INSL6: variants seen among roughly 807,000 people sequenced by gnomAD.
The protein encoded by INSL6 is insulin-like peptide INSL6.
INSL6 carries 16 observed loss-of-function variants against 9.4 expected under a neutral mutation model. The ratio of observed to expected loss-of-function variants is 1.70; its 90% CI spans 1.15 to 2.59. The LOEUF (loss-of-function observed/expected upper bound fraction) is 2.59, where lower values mean the gene tolerates loss of function less well. Ranked by LOEUF, INSL6 falls within the 30% of genes most tolerant of loss-of-function variation. The pLI is 0.00. For missense variants in INSL6, 391 were observed against 257.3 expected, an observed-to-expected ratio of 1.52 and a Z score of -3.56; for synonymous variants, 154 against 96.9, an observed-to-expected ratio of 1.59 and a Z score of -3.46.
chr9:5,062,303 C>G, the INSL6 span, among the ~76,000 whole-genome samples: 5 of 151,754 alleles, frequency 3.3e-5, no homozygotes, highest in African/African-American at 1.2e-4. Flanking sequence ...CCCTTGTATT[C>G]TGAGGGACAA....
downstream of INSL6, among the ~76,000 whole-genome samples, chr9:5,159,339 GAC>G (rs1257973953): frequency 1.4e-5 from 2 of 141,452 alleles, no homozygotes; most frequent in Middle Eastern, 3.6e-3. Flanking sequence ...CCAATTAAAA[GAC>G]ACAGAGTGTC....
the INSL6 span, among the ~76,000 whole-genome samples, chr9:5,105,554 G>C: frequency 6.6e-6 from 1 of 152,142 alleles, no homozygotes; most frequent in African/African-American, 2.4e-5. Flanking sequence ...CATAGAACTG[G>C]AAACAACTAC....
the INSL6 span, among the ~76,000 whole-genome samples, chr9:5,061,894 G>C: frequency 6.6e-6 from 1 of 152,292 alleles, no homozygotes; most frequent in Admixed American, 6.5e-5. Flanking sequence ...ATACTCAGTG[G>C]TCATTGTAGG....
the INSL6 span, among the ~76,000 whole-genome samples, chr9:5,035,026 A>C: frequency 2.2e-4 from 34 of 152,320 alleles, no homozygotes; most frequent in Admixed American, 1.7e-3. Flanking sequence ...AATCAAATAC[A>C]TGCAATAAAA....
intron 1 of INSL6, among the ~76,000 whole-genome samples, chr9:5,180,601 G>A (rs1275874665): frequency 6.6e-6 from 1 of 152,044 alleles, no homozygotes; most frequent in Non-Finnish European, 1.5e-5. Context: ...TATACGCCCT[G>A]GTCTCCTGCA....
the INSL6 span, among the ~76,000 whole-genome samples, chr9:5,048,736 A>G: frequency 4.6e-5 from 7 of 152,176 alleles, no homozygotes; most frequent in Admixed American, 2.0e-4. Context: ...TATACTTTTA[A>G]ATATGTTTCT....
At chr9:5,008,467 G>A in the INSL6 span, among the ~76,000 whole-genome samples, 437 of 152,282 alleles carry the variant, frequency 2.9e-3, no homozygotes, top group African/African-American at 1.0e-2. Flanking sequence ...GAAAGTATGA[G>A]ATAGTTGTCT....
the INSL6 span, chr9:5,080,743 A>G: frequency 7.9e-7 from 1 of 1,262,548 alleles, no homozygotes; most frequent in East Asian, 2.6e-5. Flanking sequence ...TATTTAATGA[A>G]TCATTACTAA....
chr9:5,128,147 G>C (rs1183516855), intron 3 of INSL6: 1 of 228,136 alleles, frequency 4.4e-6, no homozygotes, highest in Non-Finnish European at 8.6e-6. Flanking sequence ...TAAAATACTT[G>C]CTGTTTTGAT....
the INSL6 span, among the ~76,000 whole-genome samples, chr9:5,047,674 T>G: frequency 5.3e-5 from 8 of 152,198 alleles, no homozygotes; most frequent in Non-Finnish European, 7.3e-5. Flanking sequence ...TTATAGAGAT[T>G]GAACTCCTGG....
At chr9:5,021,468 G>C in the INSL6 span, among the ~76,000 whole-genome samples, 1 of 152,188 alleles carries the variant, frequency 6.6e-6, no homozygotes, top group Non-Finnish European at 1.5e-5. Context: ...TTGTCCACAG[G>C]AAGTTTAAAA....
At chr9:5,164,903 T>G (rs962228812) in intron 1 of INSL6, among the ~76,000 whole-genome samples, 1 of 152,224 alleles carries the variant, frequency 6.6e-6, no homozygotes, top group African/African-American at 2.4e-5. Flanking sequence ...TTCCACTTTT[T>G]GGTCATTATG....
At chr9:5,068,174 CAAAA>C in the INSL6 span, among the ~76,000 whole-genome samples, 1 of 136,232 alleles carries the variant, frequency 7.3e-6, no homozygotes, top group Non-Finnish European at 1.6e-5. Flanking sequence ...AAAACAACAA[CAAAA>C]AAAAAAAAAA....
At chr9:5,069,830 C>T in the INSL6 span, 1 of 667,438 alleles carries the variant, frequency 1.5e-6, no homozygotes, top group South Asian at 4.4e-5. Context: ...TTAAGCATTT[C>T]TTATACGTAG....
At chr9:5,111,835 G>C in the INSL6 span, 12 of 407,446 alleles carry the variant, frequency 2.9e-5, no homozygotes, top group South Asian at 2.2e-4. Flanking sequence ...CCACACGCCT[G>C]TCGGCGGGGC....
the INSL6 span, among the ~76,000 whole-genome samples, chr9:4,994,787 G>A: frequency 6.6e-6 from 1 of 152,070 alleles, no homozygotes; most frequent in African/African-American, 2.4e-5. Context: ...TTCAAGCTAT[G>A]GCCCCATTTT....
chr9:5,080,354 C>G, the INSL6 span: 1 of 1,613,310 alleles, frequency 6.2e-7, no homozygotes. Context: ...AGGAGATAAA[C>G]CTCTAAGTGC....
chr9:5,115,419 T>G, the INSL6 span, among the ~76,000 whole-genome samples: 1 of 152,208 alleles, frequency 6.6e-6, no homozygotes, highest in Non-Finnish European at 1.5e-5. Context: ...CAACAGATGC[T>G]GAAGAGGATG....
At chr9:5,102,868 C>T in the INSL6 span, among the ~76,000 whole-genome samples, 1 of 152,080 alleles carries the variant, frequency 6.6e-6, no homozygotes, top group Non-Finnish European at 1.5e-5. Flanking sequence ...ATTACCAGGC[C>T]TGCCTTACAA....
Sources: gnomAD v4.1 joint callset for allele counts (sites outside exome capture counted in the v4.1 genomes callset) on GRCh38, gnomAD v4.1.1 for gene constraint, MANE v1.5 for transcripts, NCBI Gene and HGNC (gene_info 2026-07-23, HGNC 2026-07-21) for gene names.